Variants in STK3 observed in about 807,000 individuals in gnomAD.
STK3 encodes the protein serine/threonine-protein kinase 3.
A neutral mutation model predicts 58.0 loss-of-function variants in STK3; 41 were observed. That is an observed-to-expected ratio of 0.71 (90% CI 0.55 to 0.92). The LOEUF (loss-of-function observed/expected upper bound fraction) is 0.92. Ranked by LOEUF, STK3 falls within the 40% of genes least tolerant of loss-of-function variation. STK3 has a pLI of 0.00. For synonymous variants in STK3, 170 were observed against 191.0 expected (o/e 0.89, Z 0.91); for missense variants, 479 against 602.7 (o/e 0.79, Z 2.15).
At position 98,732,792 on chromosome 8, in the gene STK3, T is replaced by C. The variant is rs929155549; in HGVS notation, c.351+16484A>G. Among the ~76,000 whole-genome samples, 5 of 152,106 alleles carry C rather than the reference T, an allele frequency of 3.3e-5. No individual in the cohort carries two copies. In the East Asian group the frequency reaches 9.6e-4, roughly 29 times the overall value. ...AAAGAAATCTCAAAGAAGAATCACA[T>C]ACATTTCAGGAAATAAATACACTGA... On this transcript the variant is annotated intron_variant, in intron 4 of 10. Coordinates refer to ENST00000419617, the MANE Select transcript of STK3 (RefSeq NM_006281.4).
intron 6 of STK3, among the ~76,000 whole-genome samples, chr8:98,701,916 C>T (rs1825655664): frequency 6.6e-6 from 1 of 152,070 alleles, no homozygotes; most frequent in Non-Finnish European, 1.5e-5. Flanking sequence ...GACTTACTCC[C>T]ATTTGCCACT....
At chr8:98,426,892 G>A in intron 3 of STK3, 1 of 152,760 alleles carries the variant, frequency 6.5e-6, no homozygotes, top group Non-Finnish European at 1.5e-5. Context: ...GAGAAGCAGC[G>A]GCGGCGGCGG....
At chr8:98,764,256 T>C (rs1298326451) in intron 3 of STK3, among the ~76,000 whole-genome samples, 1 of 152,220 alleles carries the variant, frequency 6.6e-6, no homozygotes, top group Non-Finnish European at 1.5e-5. Context: ...TCTTTCCCTT[T>C]AAAAGCTTAA....
At chr8:98,586,246 C>A (rs1184181430) in intron 7 of STK3, among the ~76,000 whole-genome samples, 3 of 151,816 alleles carry the variant, frequency 2.0e-5, no homozygotes, top group African/African-American at 7.3e-5. Flanking sequence ...TCATAGATAG[C>A]TCTTATTATT....
At chr8:98,470,330 C>T (rs569018045) in intron 10 of STK3, among the ~76,000 whole-genome samples, 42 of 152,330 alleles carry the variant, frequency 2.8e-4, no homozygotes, top group Admixed American at 1.5e-3. Context: ...CTCTTAACCA[C>T]AGTGCATGAT....
At chr8:98,872,338 C>T (rs558837678) in intron 3 of STK3, among the ~76,000 whole-genome samples, 64 of 152,126 alleles carry the variant, frequency 4.2e-4, no homozygotes, top group Non-Finnish European at 7.4e-4. Flanking sequence ...GCTTTGGTAT[C>T]AGGATGATGT....
chr8:98,761,324 C>A (rs921888375), intron 3 of STK3, among the ~76,000 whole-genome samples: 1 of 151,872 alleles, frequency 6.6e-6, no homozygotes, highest in Non-Finnish European at 1.5e-5. Flanking sequence ...AGAGTTTTGC[C>A]ATGTTGTTCA....
intron 1 of STK3, among the ~76,000 whole-genome samples, chr8:98,817,578 C>G (rs190887930): frequency 6.6e-6 from 1 of 152,156 alleles, no homozygotes; most frequent in East Asian, 1.9e-4. Flanking sequence ...TTATGAAATT[C>G]CAAGAAAGAG....
At chr8:98,715,633 C>G (rs561525863) in intron 4 of STK3, among the ~76,000 whole-genome samples, 1 of 152,150 alleles carries the variant, frequency 6.6e-6, no homozygotes, top group African/African-American at 2.4e-5. Context: ...CAGGAAACAA[C>G]AAGCGCTGGA....
Position 98,557,953 on chromosome 8 carries a change from T to G in STK3, c.949-9792A>C, listed in dbSNP as rs538994644. Among the ~76,000 whole-genome samples, 4 of 152,200 alleles carry G rather than the reference T, an allele frequency of 2.6e-5. No individual in the cohort carries two copies. The South Asian group carries it at 8.3e-4, about 32-fold the overall frequency. ...GGGCAGGACTTCAGAGGCTCCATGA[T>G]GCAAGACTGTACAAGTTTTTGGCAT... is the stretch of plus-strand genomic sequence containing the variant. On this transcript the variant is annotated intron_variant, in intron 8 of 10. Coordinates refer to ENST00000419617, the MANE Select transcript of STK3 (RefSeq NM_006281.4).
intron 1 of STK3, among the ~76,000 whole-genome samples, chr8:98,775,332 TA>T (rs1343610638): frequency 6.6e-6 from 1 of 152,094 alleles, no homozygotes; most frequent in African/African-American, 2.4e-5. Flanking sequence ...TAACACAATT[TA>T]AGGAAAAAAG....
At chr8:98,768,238 G>A (rs775746205) in intron 2 of STK3, among the ~76,000 whole-genome samples, 12 of 152,098 alleles carry the variant, frequency 7.9e-5, no homozygotes, top group Non-Finnish European at 1.5e-4. Context: ...ATTAAAAGAT[G>A]AGAAACAGAC....
At chr8:98,638,996 G>C (rs4735569) in intron 6 of STK3, among the ~76,000 whole-genome samples, 41,096 of 151,906 alleles carry the variant, frequency 0.27, 5,911 homozygotes, top group East Asian at 0.41. Context: ...GTCTGAAATA[G>C]ACATATTATG....
rs572642523 is a variant in STK3, at chr8:98,885,738, C to G, written c.-78-1904G>C. On this transcript the variant is annotated intron_variant, in intron 1 of 1. Transcript: ENST00000519420. ...TACAGGCGTGAGCCACCGCAGCAGGCTGATTTCGGTTTTTATTTAATAGAA... is the reference window on the plus strand; with the variant it reads ...TACAGGCGTGAGCCACCGCAGCAGGGTGATTTCGGTTTTTATTTAATAGAA... Among the ~76,000 whole-genome samples, 9 of 152,212 alleles carry G rather than the reference C, an allele frequency of 5.9e-5. No individual in the cohort carries two copies. The South Asian group carries it at 8.3e-4, about 14-fold the overall frequency.
chr8:98,599,774 C>A (rs547522524), intron 6 of STK3, among the ~76,000 whole-genome samples: 6 of 152,090 alleles, frequency 3.9e-5, no homozygotes, highest in Non-Finnish European at 7.4e-5. Context: ...GAGTTCGAGA[C>A]CAGCCTGGCC....
chr8:98,657,038 C>G (rs969980926), intron 6 of STK3, among the ~76,000 whole-genome samples: 1 of 151,908 alleles, frequency 6.6e-6, no homozygotes, highest in Non-Finnish European at 1.5e-5. Flanking sequence ...TACATATATT[C>G]CAGCAGACAA....
intron 1 of STK3, among the ~76,000 whole-genome samples, chr8:98,386,210 C>T (rs1445484387): frequency 6.6e-6 from 1 of 152,160 alleles, no homozygotes; most frequent in Non-Finnish European, 1.5e-5. Flanking sequence ...AGTCCATCTA[C>T]TTGCAAGAAT....
intron 1 of STK3, among the ~76,000 whole-genome samples, chr8:98,900,483 A>T (rs892377448): frequency 1.3e-5 from 2 of 152,130 alleles, no homozygotes; most frequent in African/African-American, 4.8e-5. Context: ...CCAATCACAC[A>T]TATATAGTTT....
At chr8:98,931,674 C>A (rs1054850464) in intron 1 of STK3, among the ~76,000 whole-genome samples, 1 of 152,144 alleles carries the variant, frequency 6.6e-6, no homozygotes, top group African/African-American at 2.4e-5. Flanking sequence ...TGCTGACTGG[C>A]CCCGCCCTAA....
Sources: gnomAD v4.1 joint callset for allele counts (sites outside exome capture counted in the v4.1 genomes callset) on GRCh38, gnomAD v4.1.1 for gene constraint, MANE v1.5 for transcripts, NCBI Gene and HGNC (gene_info 2026-07-23, HGNC 2026-07-21) for gene names.